The following KCTD16 variants were observed in gnomAD, a reference collection of about 807,000 sequenced individuals.
KCTD16 encodes the protein potassium channel tetramerization domain containing 16, also known as BTB/POZ domain-containing protein KCTD16.
In KCTD16, 13 loss-of-function variants were observed where a neutral mutation model predicts 33.2. That is an observed-to-expected ratio of 0.39 (90% CI 0.25 to 0.62). The LOEUF (loss-of-function observed/expected upper bound fraction) is 0.62. Among genes scored for constraint, KCTD16 ranks in the 20% least tolerant of loss-of-function variants. The pLI is 0.50. For missense variants in KCTD16, 441 were observed against 525.1 expected (o/e 0.84, Z 1.57); for synonymous variants, 197 against 195.3 (o/e 1.01, Z -0.07).
At chr5:144,181,251 G>A (rs1233080271) in intron 2 of KCTD16, among the ~76,000 whole-genome samples, 1 of 152,092 alleles carries the variant, frequency 6.6e-6, no homozygotes, top group Non-Finnish European at 1.5e-5. Flanking sequence ...AACTTTTTAT[G>A]CAAAGATTTT....
chr5:144,379,507 T>C (rs965244124), intron 3 of KCTD16, among the ~76,000 whole-genome samples: 1 of 152,142 alleles, frequency 6.6e-6, no homozygotes, highest in Non-Finnish European at 1.5e-5. Context: ...TCTTTAAGAA[T>C]ATCATTATAA....
chr5:144,216,569 C>T (rs935210368), intron 3 of KCTD16, among the ~76,000 whole-genome samples: 1 of 152,042 alleles, frequency 6.6e-6, no homozygotes, highest in African/African-American at 2.4e-5. Flanking sequence ...GTCAGCCGGG[C>T]GCGGTGGCTC....
chr5:144,270,723 A>G (rs1755270616), intron 3 of KCTD16, among the ~76,000 whole-genome samples: 1 of 151,796 alleles, frequency 6.6e-6, no homozygotes, highest in African/African-American at 2.4e-5. Context: ...AGAAAAATCA[A>G]TGAAATCAAA....
At chr5:144,445,059 C>A (rs1433504038) in intron 3 of KCTD16, among the ~76,000 whole-genome samples, 1 of 150,972 alleles carries the variant, frequency 6.6e-6, no homozygotes, top group African/African-American at 2.4e-5. Flanking sequence ...TGTTCCCTTG[C>A]CTCATTTTTT....
At chr5:144,329,062 G>C (rs932455083) in intron 3 of KCTD16, among the ~76,000 whole-genome samples, 1 of 151,996 alleles carries the variant, frequency 6.6e-6, no homozygotes, top group Admixed American at 6.6e-5. Context: ...GCTTTTCAAG[G>C]CAAACTTATT....
chr5:144,358,090 A>ATTTTT (rs539287370), intron 3 of KCTD16, among the ~76,000 whole-genome samples: 81 of 114,428 alleles, frequency 7.1e-4, no homozygotes, highest in Non-Finnish European at 8.4e-4. Context: ...CACCCGGCTA[A>ATTTTT]TTTTTTTTTT....
intron 2 of KCTD16, among the ~76,000 whole-genome samples, chr5:144,182,931 C>A (rs1469705253): frequency 6.6e-6 from 1 of 152,034 alleles, no homozygotes; most frequent in Non-Finnish European, 1.5e-5. Flanking sequence ...CATATACATA[C>A]ACAGAGTATC....
At chr5:144,292,112 G>T (rs1358616197) in intron 3 of KCTD16, among the ~76,000 whole-genome samples, 1 of 152,156 alleles carries the variant, frequency 6.6e-6, no homozygotes, top group Non-Finnish European at 1.5e-5. Flanking sequence ...AAGTTGGAGG[G>T]CTCTTCACCA....
intron 3 of KCTD16, among the ~76,000 whole-genome samples, chr5:144,357,431 C>A (rs916143971): frequency 2.6e-5 from 4 of 152,098 alleles, no homozygotes; most frequent in Non-Finnish European, 4.4e-5. Flanking sequence ...AATCAATGAG[C>A]CTTTCTTGAA....
At chr5:144,224,450 G>A (rs551534800) in intron 3 of KCTD16, among the ~76,000 whole-genome samples, 2 of 137,502 alleles carry the variant, frequency 1.5e-5, no homozygotes, top group Non-Finnish European at 3.0e-5. Context: ...GGTTAAAATG[G>A]TGCTTTCTAT....
At chr5:144,352,783 A>G (rs1300208260) in intron 3 of KCTD16, among the ~76,000 whole-genome samples, 2 of 152,194 alleles carry the variant, frequency 1.3e-5, no homozygotes, top group Non-Finnish European at 2.9e-5. Context: ...GAACATTGAG[A>G]TGATTTATGA....
At chr5:144,212,001 G>A (rs534128431) in intron 3 of KCTD16, among the ~76,000 whole-genome samples, 31 of 152,256 alleles carry the variant, frequency 2.0e-4, no homozygotes, top group African/African-American at 6.7e-4. Flanking sequence ...ACCTTCCCCA[G>A]GGGTATTTGT....
intron 3 of KCTD16, among the ~76,000 whole-genome samples, chr5:144,390,960 T>C (rs1752435725): frequency 6.6e-6 from 1 of 152,122 alleles, no homozygotes; most frequent in Non-Finnish European, 1.5e-5. Flanking sequence ...TCTGTGTTCT[T>C]AATTCCTTTT....
At chr5:144,184,995 C>G (rs1043673355) in intron 2 of KCTD16, among the ~76,000 whole-genome samples, 11 of 152,092 alleles carry the variant, frequency 7.2e-5, no homozygotes, top group African/African-American at 2.7e-4. Context: ...AAATAATAAC[C>G]AAAACTTGCT....
chr5:144,332,316 C>T (rs1247841153), intron 3 of KCTD16, among the ~76,000 whole-genome samples: 1 of 152,014 alleles, frequency 6.6e-6, no homozygotes, highest in East Asian at 1.9e-4. Context: ...TCAGGCAAGG[C>T]GCAGGGGGCC....
intron 3 of KCTD16, among the ~76,000 whole-genome samples, chr5:144,353,199 C>T (rs529773039): frequency 6.6e-6 from 1 of 152,282 alleles, no homozygotes; most frequent in East Asian, 1.9e-4. Context: ...GAGCACATTT[C>T]CTTTTGAGAA....
intron 3 of KCTD16, among the ~76,000 whole-genome samples, chr5:144,421,358 A>G (rs1753204433): frequency 6.6e-6 from 1 of 152,132 alleles, no homozygotes; most frequent in African/African-American, 2.4e-5. Context: ...TTGTTTTTGT[A>G]GTTGGGCCAT....
chr5:144,198,576 T>A (rs1228508471), intron 2 of KCTD16, among the ~76,000 whole-genome samples: 1 of 152,224 alleles, frequency 6.6e-6, no homozygotes, highest in Non-Finnish European at 1.5e-5. Context: ...GAGTATGACA[T>A]GTTTGGATTT....
intron 3 of KCTD16, among the ~76,000 whole-genome samples, chr5:144,213,609 T>G (rs543361802): frequency 7.2e-5 from 11 of 152,316 alleles, no homozygotes; most frequent in Non-Finnish European, 1.2e-4. Flanking sequence ...TTTAGAGGCC[T>G]AATCAAATTC....
Sources: allele counts gnomAD v4.1 joint callset (sites outside exome capture counted in the v4.1 genomes callset), GRCh38; gene constraint gnomAD v4.1.1; transcripts MANE v1.5; gene names NCBI Gene and HGNC (gene_info 2026-07-23, HGNC 2026-07-21).